PIK3R3: variants seen among roughly 807,000 people sequenced by gnomAD.
The protein encoded by PIK3R3 is phosphoinositide-3-kinase regulatory subunit 3, also known as phosphatidylinositol 3-kinase regulatory subunit gamma.
PIK3R3 carries 64 observed loss-of-function variants against 62.9 expected under a neutral mutation model. The ratio of observed to expected loss-of-function variants is 1.02; its 90% confidence interval spans 0.83 to 1.25. PIK3R3 has a LOEUF of 1.25. PIK3R3 is among the 50% of genes most tolerant of loss of function. The probability of loss-of-function intolerance (pLI) is 0.00; values close to 1 mark genes in which losing one functional copy is unlikely to be tolerated. For missense variants in PIK3R3, 614 were observed against 561.6 expected (o/e 1.09, Z -0.94); for synonymous variants, 165 against 189.0 (o/e 0.87, Z 1.04).
the PIK3R3 span, among the ~76,000 whole-genome samples, chr1:46,147,482 A>G: frequency 6.6e-6 from 1 of 152,000 alleles, no homozygotes; most frequent in Non-Finnish European, 1.5e-5. Flanking sequence ...CAGTGGTGCG[A>G]TCTCGGCTCA....
the PIK3R3 span, among the ~76,000 whole-genome samples, chr1:46,155,507 C>T: frequency 6.6e-6 from 1 of 151,592 alleles, no homozygotes; most frequent in Non-Finnish European, 1.5e-5. Context: ...AATGCAGTGG[C>T]ACAATCTCAG....
intron 1 of PIK3R3, among the ~76,000 whole-genome samples, chr1:46,106,989 G>T (rs1399747481): frequency 6.6e-6 from 1 of 152,030 alleles, no homozygotes; most frequent in African/African-American, 2.4e-5. Context: ...TCAAACTCCT[G>T]ACCTCAGATG....
the PIK3R3 span, among the ~76,000 whole-genome samples, chr1:46,171,317 C>T: frequency 6.6e-6 from 1 of 152,210 alleles, no homozygotes; most frequent in South Asian, 2.1e-4. Flanking sequence ...GCAGTCCTTC[C>T]ACCCAGCTTC....
chr1:46,059,502 A>G (rs998747472), intron 6 of PIK3R3, among the ~76,000 whole-genome samples: 2 of 152,164 alleles, frequency 1.3e-5, no homozygotes, highest in African/African-American at 4.8e-5. Flanking sequence ...TTCCCTTGTC[A>G]CTCAATATGT....
At chr1:46,144,862 T>G in the PIK3R3 span, among the ~76,000 whole-genome samples, 1 of 151,838 alleles carries the variant, frequency 6.6e-6, no homozygotes, top group Non-Finnish European at 1.5e-5. Flanking sequence ...CGGCGGCTCA[T>G]GGCTGTAATC....
rs60109047 is a variant in PIK3R3, at chr1:46,097,619, G to A, written c.107-16869C>T. On this transcript the variant is annotated intron_variant, in intron 1 of 9. Coordinates refer to ENST00000262741, the MANE Select transcript of PIK3R3 (RefSeq NM_003629.4). ...ATTCTAGCCAGGGGCTGGGCGTGGT[G>A]GCTCATACCTGTAATCCCAGCACTT... Among the ~76,000 whole-genome samples the A allele has an allele frequency of 4.3e-3, 642 of 149,144 alleles. 3 individuals carry two copies. The highest frequency in any genetic ancestry group is 0.015 in the African/African-American group (592 of 40,508).
chr1:46,143,558 C>A, the PIK3R3 span, among the ~76,000 whole-genome samples: 12 of 152,012 alleles, frequency 7.9e-5, no homozygotes, highest in African/African-American at 2.9e-4. Flanking sequence ...CAAGTGATCC[C>A]CCCACCTCTG....
chr1:46,112,998 C>T (rs1653869585), intron 1 of PIK3R3, among the ~76,000 whole-genome samples: 1 of 152,202 alleles, frequency 6.6e-6, no homozygotes, highest in African/African-American at 2.4e-5. Flanking sequence ...ACCAATCCTA[C>T]TTTTTAAACA....
upstream of PIK3R3, chr1:46,132,804 G>A: frequency 8.0e-7 from 1 of 1,243,110 alleles, no homozygotes; most frequent in African/African-American, 1.6e-5. Flanking sequence ...TCAAGTGCCT[G>A]AGAACATGTT....
Position 46,132,545 on chromosome 1 carries a change from A to C in PIK3R3, c.-593T>G. ...CCTCGGGAATGGGGCCGGCCGGAGAAGTCCAGTCAGCTCGGCTTGTCTGGG... is the reference window on the plus strand; with the variant it reads ...CCTCGGGAATGGGGCCGGCCGGAGACGTCCAGTCAGCTCGGCTTGTCTGGG... On this transcript the variant is annotated 5_prime_UTR_variant, in exon 1 of 10. Transcript: ENST00000262741. The C allele has an allele frequency of 7.9e-7, 1 of 1,267,832 alleles. No homozygotes were observed. Among genetic ancestry groups the C allele is most frequent in the Non-Finnish European group, 1.0e-6 (1 of 977,288 alleles). 78.5% of individuals were successfully genotyped at this position (1,267,832 alleles called of 1,614,324 possible).
At chr1:46,135,814 G>A (rs538805937), upstream of PIK3R3, among the ~76,000 whole-genome samples, 9 of 151,972 alleles carry the variant, frequency 5.9e-5, no homozygotes, top group Non-Finnish European at 1.2e-4. Flanking sequence ...GGCAGATCAC[G>A]AGGTCGGGAG....
the PIK3R3 span, among the ~76,000 whole-genome samples, chr1:46,145,930 A>G: frequency 6.6e-6 from 1 of 152,000 alleles, no homozygotes; most frequent in Admixed American, 6.5e-5. Flanking sequence ...AGTTGAGAAG[A>G]GGGAGGTGAG....
At chr1:46,102,086 C>T (rs913820525) in intron 1 of PIK3R3, among the ~76,000 whole-genome samples, 3 of 147,782 alleles carry the variant, frequency 2.0e-5, no homozygotes, top group African/African-American at 5.0e-5. Context: ...CTGGGGTTCA[C>T]GCCATTCTTC....
upstream of PIK3R3, chr1:46,132,981 AG>A: frequency 9.1e-7 from 1 of 1,101,082 alleles, no homozygotes; most frequent in Non-Finnish European, 1.1e-6. Flanking sequence ...CCAGGCGAGG[AG>A]GGAGTGGGGC....
chr1:46,109,774 G>GC (rs963923706), intron 1 of PIK3R3, among the ~76,000 whole-genome samples: 1 of 152,016 alleles, frequency 6.6e-6, no homozygotes, highest in African/African-American at 2.4e-5. Flanking sequence ...GAGCTACCAC[G>GC]CCCGACCAAT....
rs530939252 is a variant in PIK3R3, at chr1:46,044,331, A to G, written c.1188-460T>C. Among the ~76,000 whole-genome samples, 37 of 152,028 alleles carry G rather than the reference A, an allele frequency of 2.4e-4. No homozygotes were observed. The highest frequency in any genetic ancestry group is 8.9e-4 in the African/African-American group (37 of 41,466). ...TCAAGGAATCCTCCTGCCTTAGCCT[A>G]TTAAAATGCTGGGATTACAGGTGTG... On this transcript the variant is annotated intron_variant, in intron 9 of 9. Coordinates refer to ENST00000262741, the MANE Select transcript of PIK3R3 (RefSeq NM_003629.4). The surrounding 1 kb of genome is among the most constrained non-coding windows in gnomAD (Gnocchi z 4.2).
chr1:46,088,879 GA>G (rs74354949), intron 1 of PIK3R3, among the ~76,000 whole-genome samples: 6,206 of 131,908 alleles, frequency 0.047, 267 homozygotes, highest in African/African-American at 0.13. Context: ...ATCACAAGGG[GA>G]AAAAAAAAAA....
rs45449994 is a variant in PIK3R3, at chr1:46,077,501, T to C, written c.314+14A>G. The C allele has an allele frequency of 1.3e-6, 2 of 1,486,358 alleles. No individual in the cohort carries two copies. The highest frequency in any genetic ancestry group is 1.4e-5 in the African/African-American group (1 of 72,598). 92.1% of individuals were successfully genotyped at this position (1,486,358 alleles called of 1,614,324 possible). On this transcript the variant is annotated intron_variant, in intron 3 of 9. Transcript: ENST00000262741. ...ATCAGTAGAGAACTAGCCAAAAGAC[T>C]GAAAAGTACTTACCGCAAAGTCAAA...
At chr1:46,102,109 C>T (rs1652748543) in intron 1 of PIK3R3, among the ~76,000 whole-genome samples, 1 of 150,826 alleles carries the variant, frequency 6.6e-6, no homozygotes, top group Admixed American at 6.6e-5. Context: ...CCTCAGCCTC[C>T]CGAGTAGCTG....
Sources: allele counts gnomAD v4.1 joint callset (sites outside exome capture counted in the v4.1 genomes callset), GRCh38; gene constraint gnomAD v4.1.1; non-coding constraint Gnocchi (gnomAD v3.1); transcripts MANE v1.5; gene names NCBI Gene and HGNC (gene_info 2026-07-23, HGNC 2026-07-21).